The following GABRB1 variants were observed in gnomAD, a reference collection of about 807,000 sequenced individuals.
The protein encoded by GABRB1 is gamma-aminobutyric acid type A receptor subunit beta1.
Under a neutral mutation model 51.6 loss-of-function variants are expected in GABRB1, and 17 were observed. The observed-to-expected ratio is 0.33, with a 90% CI of 0.23 to 0.49. The LOEUF is 0.49. GABRB1 is among the 20% of genes least tolerant of loss of function. The probability of loss-of-function intolerance (pLI) is 0.99; values close to 1 mark genes in which losing one functional copy is unlikely to be tolerated. For missense variants in GABRB1, 410 were observed against 600.6 expected, an observed-to-expected ratio of 0.68 and a Z score of 3.32; for synonymous variants, 247 against 218.9, an observed-to-expected ratio of 1.13 and a Z score of -1.14.
intron 3 of GABRB1, among the ~76,000 whole-genome samples, chr4:47,040,145 C>T (rs1560507006): frequency 6.6e-6 from 1 of 152,158 alleles, no homozygotes; most frequent in Non-Finnish European, 1.5e-5. Flanking sequence ...GTACTACACA[C>T]TCACATGCAA....
intron 4 of GABRB1, among the ~76,000 whole-genome samples, chr4:47,210,245 A>G (rs1720302070): frequency 6.6e-6 from 1 of 152,142 alleles, no homozygotes; most frequent in Non-Finnish European, 1.5e-5. Context: ...TGACCCACTC[A>G]ATTCCAATAG....
At chr4:47,424,348 G>C (rs1353210606) in intron 8 of GABRB1, among the ~76,000 whole-genome samples, 1 of 152,148 alleles carries the variant, frequency 6.6e-6, no homozygotes, top group Non-Finnish European at 1.5e-5. Context: ...ATAAAATGGG[G>C]ATGGGATGGC....
intron 4 of GABRB1, among the ~76,000 whole-genome samples, chr4:47,246,110 T>A (rs1381878381): frequency 6.7e-6 from 1 of 149,712 alleles, no homozygotes; most frequent in Non-Finnish European, 1.5e-5. Context: ...TGTATCATTC[T>A]TATGCCTTTG....
chr4:47,107,752 A>G (rs1243370324), intron 3 of GABRB1, among the ~76,000 whole-genome samples: 1 of 152,066 alleles, frequency 6.6e-6, no homozygotes, highest in Non-Finnish European at 1.5e-5. Context: ...ATCAATCTGG[A>G]GAAAAAACAA....
chr4:47,284,786 T>C (rs1490067556), intron 4 of GABRB1, among the ~76,000 whole-genome samples: 2 of 152,146 alleles, frequency 1.3e-5, no homozygotes, highest in Non-Finnish European at 2.9e-5. Context: ...AACAAACAGT[T>C]TCATAATTAA....
chr4:47,350,924 G>T (rs1464345069), intron 5 of GABRB1, among the ~76,000 whole-genome samples: 1 of 152,156 alleles, frequency 6.6e-6, no homozygotes, highest in Non-Finnish European at 1.5e-5. Flanking sequence ...CAACTGAGAG[G>T]CTTTCACAGA....
chr4:47,203,810 A>T (rs1312992633), intron 4 of GABRB1, among the ~76,000 whole-genome samples: 1 of 151,404 alleles, frequency 6.6e-6, no homozygotes, highest in African/African-American at 2.4e-5. Flanking sequence ...GCAAAACCTC[A>T]CTCCTGGGCA....
rs1030227916 is a variant in GABRB1, at chr4:47,321,076, G to A, written c.544+867G>A. On this transcript the variant is annotated intron_variant, in intron 5 of 8. Coordinates refer to ENST00000295454, the MANE Select transcript of GABRB1 (RefSeq NM_000812.4). ...ATTATTTCTCAGCCATCAGCCTATAGGTATTTGAGACCATTAATTGTGAAT... is the reference window on the plus strand; with the variant it reads ...ATTATTTCTCAGCCATCAGCCTATAAGTATTTGAGACCATTAATTGTGAAT... 2.0e-5 allele frequency among the ~76,000 whole-genome samples: 3 copies of A among 152,122 alleles called. No homozygotes were observed. The South Asian group carries it at 6.2e-4, about 31-fold the overall frequency.
chr4:47,035,946 C>G lies in GABRB1; in HGVS notation c.240+3462C>G, dbSNP rs560282626. On this transcript the variant is annotated intron_variant, in intron 3 of 8. Transcript: ENST00000295454. ...CCTGATTACCAAGTAGGAGTTCCAA[C>G]CAGGCAGCTCTCTGTACCTAATCTG... Among the ~76,000 whole-genome samples the G allele has an allele frequency of 2.0e-5, 3 of 152,250 alleles. No homozygotes were observed. In the South Asian group the frequency reaches 6.2e-4, roughly 32 times the overall value.
At chr4:47,013,547 C>T (rs1724647646) in intron 1 of GABRB1, among the ~76,000 whole-genome samples, 1 of 152,152 alleles carries the variant, frequency 6.6e-6, no homozygotes, top group African/African-American at 2.4e-5. Flanking sequence ...AATGTCCAAC[C>T]TGATAATGCT....
intron 4 of GABRB1, among the ~76,000 whole-genome samples, chr4:47,205,296 G>A (rs1015953735): frequency 2.0e-5 from 3 of 152,120 alleles, no homozygotes; most frequent in African/African-American, 7.2e-5. Flanking sequence ...GAAGACAAAA[G>A]TTGCCTCTTT....
rs1446918049 is a variant in GABRB1 at position 47,244,069 on chromosome 4, G to A, written c.462-76058G>A. On this transcript the variant is annotated intron_variant, in intron 4 of 8. Transcript: ENST00000295454. ...TTGAGATATGTCCCATCAATACCTA[G>A]TTTATTGAGAGTTTTTAGCATGAAG... Among the ~76,000 whole-genome samples, 5 of 152,102 alleles carry A rather than the reference G, an allele frequency of 3.3e-5. No homozygotes were observed. In the East Asian group the frequency reaches 7.7e-4, roughly 23 times the overall value.
upstream of GABRB1, among the ~76,000 whole-genome samples, chr4:47,027,717 T>A (rs1459817309): frequency 6.7e-6 from 1 of 149,988 alleles, no homozygotes; most frequent in South Asian, 2.1e-4. Context: ...ATTAATGCTA[T>A]ACTTAAGCTA....
At chr4:47,248,151 T>G (rs776305646) in intron 4 of GABRB1, among the ~76,000 whole-genome samples, 13 of 152,086 alleles carry the variant, frequency 8.5e-5, no homozygotes, top group Non-Finnish European at 1.3e-4. Context: ...GGTCTGTGGG[T>G]TTGTCAGGGA....
intron 5 of GABRB1, among the ~76,000 whole-genome samples, chr4:47,325,442 A>AG (rs1725228033): frequency 6.6e-6 from 1 of 151,308 alleles, no homozygotes; most frequent in Non-Finnish European, 1.5e-5. Flanking sequence ...CTCAAAAAAA[A>AG]AAAAAAATCA....
intron 4 of GABRB1, among the ~76,000 whole-genome samples, chr4:47,298,014 GA>G (rs745912078): frequency 3.3e-5 from 5 of 152,162 alleles, no homozygotes; most frequent in Non-Finnish European, 5.9e-5. Context: ...AATAGATGCA[GA>G]AAAGGCCTTT....
chr4:47,054,101 A>C (rs1726477598), intron 3 of GABRB1, among the ~76,000 whole-genome samples: 2 of 151,446 alleles, frequency 1.3e-5, no homozygotes, highest in Non-Finnish European at 2.9e-5. Flanking sequence ...CTATAAAAAG[A>C]GTCTTTTTTC....
intron 5 of GABRB1, among the ~76,000 whole-genome samples, chr4:47,351,167 G>C (rs913794319): frequency 2.0e-5 from 3 of 152,146 alleles, no homozygotes; most frequent in Non-Finnish European, 4.4e-5. Context: ...GGGTGAAAAA[G>C]AATCACATCT....
At chr4:47,383,577 G>A (rs1008038078) in intron 5 of GABRB1, among the ~76,000 whole-genome samples, 4 of 152,088 alleles carry the variant, frequency 2.6e-5, no homozygotes, top group Non-Finnish European at 5.9e-5. Flanking sequence ...TTAATTCAAT[G>A]CATCTTATTG....
Sources: allele counts gnomAD v4.1 joint callset (sites outside exome capture counted in the v4.1 genomes callset), GRCh38; gene constraint gnomAD v4.1.1; transcripts MANE v1.5; gene names NCBI Gene and HGNC (gene_info 2026-07-23, HGNC 2026-07-21).